Variants in ANKRD11 observed in about 807,000 individuals in gnomAD.
ANKRD11 encodes ankyrin repeat domain 11, also known as ankyrin repeat domain-containing protein 11.
A neutral mutation model predicts 195.7 loss-of-function variants in ANKRD11; 17 were observed. That is an observed-to-expected ratio of 0.09 (90% CI 0.06 to 0.13). ANKRD11 has a LOEUF of 0.13. Ranked by LOEUF, ANKRD11 falls within the 10% of genes least tolerant of loss-of-function variation. ANKRD11 has a pLI of 1.00. For missense variants in ANKRD11, 3,735 were observed against 3,566.1 expected (o/e 1.05, Z -1.21); for synonymous variants, 1,953 against 1,528.1 (o/e 1.28, Z -6.49).
chr16:89,278,746 G>A (rs1311659584), intron 9 of ANKRD11: 3 of 537,702 alleles, frequency 5.6e-6, no homozygotes, highest in Non-Finnish European at 7.2e-6. Flanking sequence ...CCTGGTGGAC[G>A]GGGAGTGGAG....
intron 2 of ANKRD11, among the ~76,000 whole-genome samples, chr16:89,405,769 T>C (rs1479032735): frequency 6.6e-6 from 1 of 152,074 alleles, no homozygotes; most frequent in Non-Finnish European, 1.5e-5. Context: ...ACCCTGGGGC[T>C]TAGGGGTCAA....
At chr16:89,417,490 C>T (rs2042354596) in intron 2 of ANKRD11, among the ~76,000 whole-genome samples, 1 of 152,144 alleles carries the variant, frequency 6.6e-6, no homozygotes, top group Non-Finnish European at 1.5e-5. Flanking sequence ...AGAGCCAAGG[C>T]CAAAGTCTTT....
chr16:89,362,764 T>G (rs1353103115), intron 2 of ANKRD11, among the ~76,000 whole-genome samples: 1 of 152,218 alleles, frequency 6.6e-6, no homozygotes, highest in African/African-American at 2.4e-5. Flanking sequence ...AAGCAAGCAT[T>G]AGGTCACGGC....
intron 2 of ANKRD11, among the ~76,000 whole-genome samples, chr16:89,341,880 G>A (rs1387344724): frequency 7.0e-5 from 10 of 142,626 alleles, no homozygotes; most frequent in Non-Finnish European, 1.1e-4. Context: ...CACGGCCCAC[G>A]GCAGGAGTGC....
chr16:89,313,412 G>A, intron 3 of ANKRD11: 1 of 1,288,976 alleles, frequency 7.8e-7, no homozygotes, highest in African/African-American at 1.5e-5. Flanking sequence ...AATGGTGAGA[G>A]ACCGTCTGCA....
intron 2 of ANKRD11, among the ~76,000 whole-genome samples, chr16:89,337,000 G>A (rs2038390107): frequency 1.9e-5 from 2 of 103,802 alleles, no homozygotes; most frequent in African/African-American, 7.5e-5. Flanking sequence ...TGAAACCCTG[G>A]CTCTACCAAA....
At chr16:89,274,575 C>T (rs2033475622) in intron 11 of ANKRD11, among the ~76,000 whole-genome samples, 1 of 152,234 alleles carries the variant, frequency 6.6e-6, no homozygotes, top group African/African-American at 2.4e-5. Flanking sequence ...TGCTGAGGCC[C>T]AGCCCAGTGG....
chr16:89,289,403 G>C (rs1350719757), intron 6 of ANKRD11, among the ~76,000 whole-genome samples: 1 of 152,228 alleles, frequency 6.6e-6, no homozygotes, highest in Non-Finnish European at 1.5e-5. Flanking sequence ...TTACACTGTG[G>C]ACAGACAGTC....
intron 2 of ANKRD11, among the ~76,000 whole-genome samples, chr16:89,400,972 GCTGC>G (rs2041657592): frequency 6.6e-6 from 1 of 152,170 alleles, no homozygotes; most frequent in South Asian, 2.1e-4. Flanking sequence ...CTGCCCCGGG[GCTGC>G]CTGGCATGGC....
Position 89,280,431 on chromosome 16 carries a change from G to T in ANKRD11, c.6111C>A (p.Val2037=). ...CGGGGACGGCGTCCACTCCGTCCTTGACGTCCTCCAGCCCCGGCTCAGCGA... is the reference window on the plus strand; with the variant it reads ...CGGGGACGGCGTCCACTCCGTCCTTTACGTCCTCCAGCCCCGGCTCAGCGA... ...LPVAEPGLED[V]KDGVDAVPAA... The change falls in exon 9 of 13, where the codon GTC becomes GTA. Residue 2037 remains valine (V), a synonymous_variant. Coordinates refer to ENST00000301030, the MANE Select transcript of ANKRD11 (RefSeq NM_013275.6). The T allele has an allele frequency of 6.3e-7, 1 of 1,579,972 alleles. No homozygotes were observed. The highest frequency in any genetic ancestry group is 8.6e-7 in the Non-Finnish European group (1 of 1,162,152).
chr16:89,444,461 G>T (rs1011749), intron 1 of ANKRD11, among the ~76,000 whole-genome samples: 8 of 151,084 alleles, frequency 5.3e-5, no homozygotes, highest in South Asian at 2.1e-4. Flanking sequence ...GGGCGGTCGG[G>T]GGGGTGGAGT....
intron 2 of ANKRD11, among the ~76,000 whole-genome samples, chr16:89,378,582 G>A (rs1273155867): frequency 1.3e-5 from 2 of 152,322 alleles, no homozygotes; most frequent in Admixed American, 6.5e-5. Flanking sequence ...TAGTCTGGCT[G>A]AGAACACACA....
rs186464134 is a variant in ANKRD11, at chr16:89,342,491, G to A, written c.-59-25413C>T. On this transcript the variant is annotated intron_variant, in intron 2 of 12. Coordinates refer to ENST00000301030, the MANE Select transcript of ANKRD11 (RefSeq NM_013275.6). ...AACAAGGCAAAGCGTGAGGAGGAAC[G>A]GGCAGGGAGAGGCCAGCGTGAACTC... Among the ~76,000 whole-genome samples, 145 of 152,360 alleles carry A rather than the reference G, an allele frequency of 9.5e-4. 2 individuals carry two copies. The highest frequency in any genetic ancestry group is 1.2e-3 in the Admixed American group (18 of 15,308).
intron 2 of ANKRD11, among the ~76,000 whole-genome samples, chr16:89,388,041 C>T (rs1035222579): frequency 2.0e-5 from 3 of 151,802 alleles, no homozygotes; most frequent in African/African-American, 7.3e-5. Flanking sequence ...CTGTGCTCAT[C>T]TGTTAGGTTC....
At chr16:89,455,662 G>T (rs1162486792) in intron 1 of ANKRD11, among the ~76,000 whole-genome samples, 1 of 152,126 alleles carries the variant, frequency 6.6e-6, no homozygotes, top group East Asian at 1.9e-4. Flanking sequence ...GCTGTGGAGA[G>T]GAACTTACCT....
rs2353028 is a variant in ANKRD11, at chr16:89,286,270, G to A, written c.745-84C>T. The A allele has an allele frequency of 0.7, 1,103,289 of 1,582,378 alleles. 392,299 individuals are homozygous for A. The highest frequency in any genetic ancestry group is 0.73 in the Non-Finnish European group (852,277 of 1,167,100). On this transcript the variant is annotated intron_variant, in intron 7 of 12. Coordinates refer to ENST00000301030, the MANE Select transcript of ANKRD11 (RefSeq NM_013275.6). ...TCCGCATAACACGGCAGCCCCTTCCGAGAACCCTGGGGTTCGACCCGAGAG... is the reference window on the plus strand; with the variant it reads ...TCCGCATAACACGGCAGCCCCTTCCAAGAACCCTGGGGTTCGACCCGAGAG...
intron 1 of ANKRD11, among the ~76,000 whole-genome samples, chr16:89,472,694 T>C (rs1164079348): frequency 1.3e-5 from 2 of 152,236 alleles, no homozygotes; most frequent in African/African-American, 4.8e-5. Context: ...ACTGTTTTAT[T>C]AGGTATCTGC....
rs564238731 is a variant in ANKRD11 at position 89,280,481 on chromosome 16, A to G, written c.6061T>C (p.Ser2021Pro). 17 of 1,589,034 alleles carry G rather than the reference A, an allele frequency of 1.1e-5. No homozygotes were observed. The Admixed American group carries it at 2.6e-4, about 24-fold the overall frequency. Reference protein sequence around the residue: ...SEAPYPAPPASPAPYALPVAE... With the variant: ...SEAPYPAPPAPPAPYALPVAE... ...ACGGGCAGAGCGTACGGGGCAGGAG[A>G]GGCGGGAGGGGCGGGGTACGGCGCC... The change falls in exon 9 of 13, where the codon TCT (serine) becomes CCT (proline). Residue 2021 changes from serine (S) to proline (P), a missense_variant. Coordinates refer to ENST00000301030, the MANE Select transcript of ANKRD11 (RefSeq NM_013275.6).
intron 1 of ANKRD11, among the ~76,000 whole-genome samples, chr16:89,439,892 C>A (rs913076654): frequency 6.6e-6 from 1 of 152,198 alleles, no homozygotes; most frequent in Admixed American, 6.5e-5. Flanking sequence ...GACTGATGGG[C>A]GGCCTCCGGA....
Sources: allele counts gnomAD v4.1 joint callset (sites outside exome capture counted in the v4.1 genomes callset), GRCh38; gene constraint gnomAD v4.1.1; transcripts MANE v1.5; gene names NCBI Gene and HGNC (gene_info 2026-07-23, HGNC 2026-07-21).